The following SLC5A4 variants were observed in gnomAD, a reference collection of about 807,000 sequenced individuals.
SLC5A4 encodes probable glucose sensor protein SLC5A4.
SLC5A4 carries 55 observed loss-of-function variants against 70.3 expected under a neutral mutation model. The observed-to-expected ratio is 0.78, with a 90% CI of 0.63 to 0.98. SLC5A4 has a LOEUF of 0.98. SLC5A4 is among the 50% of genes least tolerant of loss of function. The pLI is 0.00. For synonymous variants in SLC5A4, 268 were observed against 305.7 expected, an observed-to-expected ratio of 0.88 and a Z score of 1.29; for missense variants, 735 against 839.2, an observed-to-expected ratio of 0.88 and a Z score of 1.53.
At chr22:32,248,267 G>A (rs1157005928) in intron 4 of SLC5A4, among the ~76,000 whole-genome samples, 1 of 152,174 alleles carries the variant, frequency 6.6e-6, no homozygotes, top group Admixed American at 6.5e-5. Context: ...TAGAACTGAT[G>A]TCTGTGGTTT....
the SLC5A4 span, among the ~76,000 whole-genome samples, chr22:32,294,730 T>C: frequency 8.2e-5 from 12 of 146,090 alleles, no homozygotes; most frequent in Admixed American, 2.8e-4. Flanking sequence ...TAGTTACATA[T>C]GTATACATGT....
chr22:32,336,472 C>A, the SLC5A4 span, among the ~76,000 whole-genome samples: 1 of 152,340 alleles, frequency 6.6e-6, no homozygotes, highest in East Asian at 1.9e-4. Flanking sequence ...CCACGCGGGT[C>A]TCTTCCGGGG....
chr22:32,351,734 C>G, the SLC5A4 span, among the ~76,000 whole-genome samples: 1,399 of 6,848 alleles, frequency 0.2, 61 homozygotes, highest in African/African-American at 0.4. Context: ...AGGGTGGGGG[C>G]GGTGGGGGGA....
chr22:32,315,428 A>G, the SLC5A4 span, among the ~76,000 whole-genome samples: 1 of 152,190 alleles, frequency 6.6e-6, no homozygotes, highest in Admixed American at 6.5e-5. Context: ...CATCAAGGTA[A>G]ACAAAAAATA....
At chr22:32,282,937 T>A in the SLC5A4 span, among the ~76,000 whole-genome samples, 1 of 152,242 alleles carries the variant, frequency 6.6e-6, no homozygotes, top group East Asian at 1.9e-4. Flanking sequence ...TCCTCGCCTC[T>A]GCAGTCTGCT....
the SLC5A4 span, among the ~76,000 whole-genome samples, chr22:32,304,237 C>T: frequency 6.6e-6 from 1 of 152,178 alleles, no homozygotes; most frequent in Non-Finnish European, 1.5e-5. Flanking sequence ...AGTGATTCTC[C>T]TGCCTCAGCC....
chr22:32,320,167 C>T, the SLC5A4 span, among the ~76,000 whole-genome samples: 2 of 152,176 alleles, frequency 1.3e-5, no homozygotes, highest in African/African-American at 4.8e-5. Context: ...AGAGCGCAGA[C>T]AAAAGGGAGC....
At chr22:32,290,813 C>T in the SLC5A4 span, among the ~76,000 whole-genome samples, 3 of 152,258 alleles carry the variant, frequency 2.0e-5, no homozygotes, top group East Asian at 5.8e-4. Flanking sequence ...AGAAAGTCCC[C>T]TCCAGCCCTT....
intron 2 of SLC5A4, among the ~76,000 whole-genome samples, chr22:32,253,541 G>A (rs1160276796): frequency 2.0e-5 from 3 of 152,204 alleles, no homozygotes; most frequent in African/African-American, 7.2e-5. Flanking sequence ...GCAGGAATGC[G>A]CAGAGCTTGT....
chr22:32,270,510 CCG>C, the SLC5A4 span: 1 of 724,126 alleles, frequency 1.4e-6, no homozygotes, highest in East Asian at 2.5e-5. Context: ...ACAATGACCA[CCG>C]CAGACAGTGA....
chr22:32,255,309 G>A lies in SLC5A4; in HGVS notation c.21C>T (p.Pro7=), dbSNP rs1010862145. MASTVS[P]STIAETPEPP... ...GCTCTGGGGTCTCAGCTATGGTGCT[G>A]GGGCTAACCGTACTGGCCATGGCTG... is the stretch of plus-strand genomic sequence containing the variant. Residue 7 remains proline (P), a synonymous_variant, in exon 1 of 15, where the codon CCC becomes CCT. Coordinates refer to ENST00000266086, the MANE Select transcript of SLC5A4 (RefSeq NM_014227.3). The A allele has an allele frequency of 2.5e-6, 4 of 1,614,038 alleles. No individual in the cohort carries two copies. Among genetic ancestry groups the A allele is most frequent in the Non-Finnish European group, 3.4e-6 (4 of 1,180,018 alleles).
chr22:32,313,002 TATC>T, the SLC5A4 span, among the ~76,000 whole-genome samples: 1 of 152,080 alleles, frequency 6.6e-6, no homozygotes, highest in South Asian at 2.1e-4. Flanking sequence ...AAAATGTCGC[TATC>T]ATTATAGCTC....
At chr22:32,318,960 T>C in the SLC5A4 span, among the ~76,000 whole-genome samples, 3 of 152,224 alleles carry the variant, frequency 2.0e-5, no homozygotes, top group African/African-American at 7.2e-5. Flanking sequence ...AGGTGTTTCA[T>C]GATGAGAGGA....
At chr22:32,230,132 G>T (rs1227748242) in intron 10 of SLC5A4, among the ~76,000 whole-genome samples, 1 of 152,142 alleles carries the variant, frequency 6.6e-6, no homozygotes, top group Non-Finnish European at 1.5e-5. Context: ...GTGTGTGGAT[G>T]GGAAGCATGT....
At chr22:32,348,474 G>C in the SLC5A4 span, among the ~76,000 whole-genome samples, 1 of 152,226 alleles carries the variant, frequency 6.6e-6, no homozygotes, top group South Asian at 2.1e-4. Context: ...GGCCAGGAAG[G>C]AGGGGAGAGC....
chr22:32,304,118 T>A, the SLC5A4 span, among the ~76,000 whole-genome samples: 1 of 152,226 alleles, frequency 6.6e-6, no homozygotes, highest in Non-Finnish European at 1.5e-5. Context: ...CATTTTTTAA[T>A]CACGTTGTTT....
At chr22:32,351,254 C>T in the SLC5A4 span, among the ~76,000 whole-genome samples, 2 of 152,164 alleles carry the variant, frequency 1.3e-5, no homozygotes, top group Non-Finnish European at 2.9e-5. Flanking sequence ...CTGTTTGCAA[C>T]CAATATTTTA....
At chr22:32,338,575 G>A in the SLC5A4 span, among the ~76,000 whole-genome samples, 3 of 152,280 alleles carry the variant, frequency 2.0e-5, no homozygotes, top group South Asian at 4.1e-4. Context: ...CAAGAAAGGA[G>A]AATCACTTGA....
chr22:32,315,699 T>A, the SLC5A4 span, among the ~76,000 whole-genome samples: 1 of 142,446 alleles, frequency 7.0e-6, no homozygotes, highest in Non-Finnish European at 1.5e-5. Context: ...CCCACAAAAC[T>A]ATAAAAGCAG....
Sources: gnomAD v4.1 joint callset for allele counts (sites outside exome capture counted in the v4.1 genomes callset) on GRCh38, gnomAD v4.1.1 for gene constraint, MANE v1.5 for transcripts, NCBI Gene and HGNC (gene_info 2026-07-23, HGNC 2026-07-21) for gene names.